Variants in GOLIM4 observed in about 807,000 individuals in gnomAD.
GOLIM4 encodes golgi integral membrane protein 4.
Under a neutral mutation model 107.4 loss-of-function variants are expected in GOLIM4, and 71 were observed. The ratio of observed to expected loss-of-function variants is 0.66; its 90% CI spans 0.55 to 0.81. The LOEUF is 0.81. Among genes scored for constraint, GOLIM4 ranks in the 30% least tolerant of loss-of-function variants. The pLI, the probability that GOLIM4 is intolerant of heterozygous loss-of-function variation, is 0.00. For synonymous variants in GOLIM4, 327 were observed against 294.8 expected, an observed-to-expected ratio of 1.11 and a Z score of -1.12; for missense variants, 830 against 826.1, an observed-to-expected ratio of 1.00 and a Z score of -0.06.
intron 1 of GOLIM4, among the ~76,000 whole-genome samples, chr3:168,071,479 G>C (rs1017667066): frequency 5.3e-5 from 8 of 152,024 alleles, no homozygotes; most frequent in African/African-American, 1.9e-4. Flanking sequence ...CTGGAGTGAA[G>C]AAGCTGGCTG....
intron 7 of GOLIM4, among the ~76,000 whole-genome samples, chr3:168,039,430 A>C (rs1474810981): frequency 6.6e-6 from 1 of 151,544 alleles, no homozygotes; most frequent in Non-Finnish European, 1.5e-5. Flanking sequence ...CGCCTGGCTA[A>C]TTTTTGTATT....
At chr3:168,050,924 C>T (rs758603679) in intron 1 of GOLIM4, among the ~76,000 whole-genome samples, 1 of 151,512 alleles carries the variant, frequency 6.6e-6, no homozygotes, top group African/African-American at 2.4e-5. Context: ...TCATCACCCA[C>T]CCCAGTCACC....
At chr3:168,039,298 T>C (rs1718842252) in intron 7 of GOLIM4, among the ~76,000 whole-genome samples, 2 of 150,864 alleles carry the variant, frequency 1.3e-5, no homozygotes, top group African/African-American at 4.9e-5. Context: ...AGTCTTGCTC[T>C]GTCACCCAGG....
intron 1 of GOLIM4, among the ~76,000 whole-genome samples, chr3:168,061,407 T>C (rs1460762779): frequency 1.3e-5 from 2 of 152,178 alleles, no homozygotes; most frequent in Admixed American, 6.5e-5. Context: ...AGAAAACTGA[T>C]AGTGTTAACT....
At chr3:168,071,365 A>T (rs1349527412) in intron 1 of GOLIM4, among the ~76,000 whole-genome samples, 2 of 152,152 alleles carry the variant, frequency 1.3e-5, no homozygotes, top group African/African-American at 2.4e-5. Context: ...CAGATAATGA[A>T]TTTCAGCTGA....
chr3:168,081,706 G>C (rs1352911875), intron 1 of GOLIM4, among the ~76,000 whole-genome samples: 1 of 152,042 alleles, frequency 6.6e-6, no homozygotes, highest in East Asian at 1.9e-4. Flanking sequence ...TAATAACACA[G>C]AGTTATTACT....
Position 168,044,886 on chromosome 3 carries a change from A to C in GOLIM4, c.313-5T>G. On this transcript the variant is annotated splice_polypyrimidine_tract_variant and splice_region_variant and intron_variant, in intron 3 of 15. Coordinates refer to ENST00000470487, the MANE Select transcript of GOLIM4 (RefSeq NM_014498.5). ...GTATCTGCTATTGGAATCTTGCTGT[A>C]AATCAAAAAAAAAAAAGAAAACACA... 1 of 1,503,524 alleles carries C rather than the reference A, an allele frequency of 6.7e-7. No homozygotes were observed. Among genetic ancestry groups the C allele is most frequent in the Non-Finnish European group, 9.0e-7 (1 of 1,116,204 alleles). 93.1% of individuals were successfully genotyped at this position (1,503,524 alleles called of 1,614,324 possible).
intron 12 of GOLIM4, among the ~76,000 whole-genome samples, chr3:168,027,023 C>T (rs918742253): frequency 2.0e-5 from 3 of 152,184 alleles, no homozygotes; most frequent in Non-Finnish European, 2.9e-5. Flanking sequence ...AAATCATCTA[C>T]GCATACACGC....
intron 1 of GOLIM4, among the ~76,000 whole-genome samples, chr3:168,054,225 C>A (rs1159722355): frequency 6.6e-6 from 1 of 152,210 alleles, no homozygotes; most frequent in Non-Finnish European, 1.5e-5. Context: ...CTTTCCCACA[C>A]ATTCAAGGCC....
Position 168,065,516 on chromosome 3 carries a change from T to C in GOLIM4, c.188-17151A>G, listed in dbSNP as rs373978411. On this transcript the variant is annotated intron_variant, in intron 1 of 15. Transcript: ENST00000470487. ...TTTCTGTATGTATGACTGTGTAAAA[T>C]GCGAACACATTATCCTTTTCTGACA... 8.5e-5 allele frequency among the ~76,000 whole-genome samples: 13 copies of C among 152,238 alleles called. 1 individual carries two copies. Among genetic ancestry groups the C allele is most frequent in the East Asian group, 3.8e-4 (2 of 5,204 alleles).
intron 1 of GOLIM4, among the ~76,000 whole-genome samples, chr3:168,051,721 A>G (rs1297524143): frequency 6.6e-6 from 1 of 152,218 alleles, no homozygotes; most frequent in Non-Finnish European, 1.5e-5. Flanking sequence ...CGTCGTTATA[A>G]CAGCAGCTTC....
Position 168,016,548 on chromosome 3 carries a change from A to G in GOLIM4, c.1861-5725T>C, listed in dbSNP as rs1359937057. On this transcript the variant is annotated intron_variant, in intron 14 of 15. Transcript: ENST00000470487. ...CCAGCCATCCCCTTACTGGGTATAT[A>G]CCCAAAGGATTATAAATCATGCTGC... Among the ~76,000 whole-genome samples, 2 of 133,456 alleles carry G rather than the reference A, an allele frequency of 1.5e-5. 1 individual carries two copies. Among genetic ancestry groups the G allele is most frequent in the African/African-American group, 8.1e-5 (2 of 24,700 alleles). The allele number at this position is 133,456 out of a possible 152,430, so 87.6% of individuals were successfully genotyped here.
intron 14 of GOLIM4, among the ~76,000 whole-genome samples, chr3:168,022,241 C>T (rs561585414): frequency 4.0e-5 from 6 of 151,760 alleles, no homozygotes; most frequent in South Asian, 4.2e-4. Flanking sequence ...TAAGTTTGTG[C>T]GCTGGAGAGG....
chr3:168,078,551 C>T (rs375002332), intron 1 of GOLIM4, among the ~76,000 whole-genome samples: 78 of 152,142 alleles, frequency 5.1e-4, no homozygotes, highest in Non-Finnish European at 7.4e-4. Context: ...GCTAGTTTAA[C>T]GACTCACTAG....
At chr3:168,031,996 A>G (rs964026429) in intron 9 of GOLIM4, among the ~76,000 whole-genome samples, 1 of 152,188 alleles carries the variant, frequency 6.6e-6, no homozygotes, top group Non-Finnish European at 1.5e-5. Flanking sequence ...AGGGATCCTG[A>G]GCAGAGGCTG....
At position 168,036,916 on chromosome 3, in the gene GOLIM4, G is replaced by C. The variant is rs1279274394; in HGVS notation, c.763C>G (p.Gln255Glu). Residue 255 changes from glutamine (Q) to glutamate (E), a missense_variant, in exon 8 of 16, where the codon CAG becomes GAG. Coordinates refer to ENST00000470487, the MANE Select transcript of GOLIM4 (RefSeq NM_014498.5). ...PSLRKPDPAE[Q>E]QNVTQVAHSP... Reference sequence around the variant, plus strand: ...TGTGCCACCTGGGTCACATTTTGCTGTTCTGCTGGATCAGGTTTTCGAAGG... The same window carrying C: ...TGTGCCACCTGGGTCACATTTTGCTCTTCTGCTGGATCAGGTTTTCGAAGG... 6.2e-7 allele frequency: 1 copy of C among 1,606,210 alleles called. No individual in the cohort carries two copies. Among genetic ancestry groups the C allele is most frequent in the Non-Finnish European group, 8.5e-7 (1 of 1,175,834 alleles).
chr3:168,024,586 T>C lies in GOLIM4; in HGVS notation c.1800A>G (p.Gly600=). ...TEVEEHLVMA[G]NPDQQEDNVD... ...CATTGTCCTCCTGCTGGTCTGGATT[T>C]CCTGCCATCTGTTGGAAACAAAAGG... Residue 600 remains glycine (G), a synonymous_variant, in exon 14 of 16, where the codon GGA becomes GGG. Coordinates refer to ENST00000470487, the MANE Select transcript of GOLIM4 (RefSeq NM_014498.5). 6.2e-7 allele frequency: 1 copy of C among 1,613,306 alleles called. No homozygotes were observed. The highest frequency in any genetic ancestry group is 8.5e-7 in the Non-Finnish European group (1 of 1,179,236).
intron 1 of GOLIM4, among the ~76,000 whole-genome samples, chr3:168,073,896 C>G (rs1480065622): frequency 6.6e-6 from 1 of 152,150 alleles, no homozygotes; most frequent in Non-Finnish European, 1.5e-5. Flanking sequence ...GCACCTGGTA[C>G]TCACATCCTG....
At chr3:168,050,729 A>C (rs1198980102) in intron 1 of GOLIM4, among the ~76,000 whole-genome samples, 2 of 151,820 alleles carry the variant, frequency 1.3e-5, no homozygotes, top group African/African-American at 4.8e-5. Flanking sequence ...CAATCATGCA[A>C]AACTTTCAAA....
Sources: allele counts gnomAD v4.1 joint callset (sites outside exome capture counted in the v4.1 genomes callset), GRCh38; gene constraint gnomAD v4.1.1; transcripts MANE v1.5; gene names NCBI Gene and HGNC (gene_info 2026-07-23, HGNC 2026-07-21).